CYTH1: variants seen among roughly 807,000 people sequenced by gnomAD.
The protein encoded by CYTH1 is cytohesin-1.
In CYTH1, 18 loss-of-function variants were observed where a neutral mutation model predicts 61.8. The observed-to-expected ratio is 0.29, with a 90% CI of 0.20 to 0.43. The LOEUF (loss-of-function observed/expected upper bound fraction) is 0.43. Ranked by LOEUF, CYTH1 falls within the 20% of genes least tolerant of loss-of-function variation. The pLI, the probability that CYTH1 is intolerant of heterozygous loss-of-function variation, is 1.00. For synonymous variants in CYTH1, 174 were observed against 184.3 expected (o/e 0.94, Z 0.45); for missense variants, 336 against 510.5 (o/e 0.66, Z 3.29).
chr17:78,738,711 T>C (rs2093330941), intron 1 of CYTH1, among the ~76,000 whole-genome samples: 1 of 152,156 alleles, frequency 6.6e-6, no homozygotes, highest in Non-Finnish European at 1.5e-5. Flanking sequence ...AAAATCACAG[T>C]TGTAAGTCCC....
chr17:78,743,661 G>T (rs1300214970), intron 1 of CYTH1, among the ~76,000 whole-genome samples: 1 of 152,116 alleles, frequency 6.6e-6, no homozygotes, highest in Non-Finnish European at 1.5e-5. Flanking sequence ...GCCTATTCTT[G>T]TTTCATTCAT....
At chr17:78,684,395 T>G (rs1251979924) in intron 11 of CYTH1, among the ~76,000 whole-genome samples, 1 of 152,202 alleles carries the variant, frequency 6.6e-6, no homozygotes, top group Non-Finnish European at 1.5e-5. Context: ...TGCCTAGAAC[T>G]TTCACTGGAC....
chr17:78,755,342 C>T (rs1481786700), intron 1 of CYTH1, among the ~76,000 whole-genome samples: 1 of 152,040 alleles, frequency 6.6e-6, no homozygotes, highest in Non-Finnish European at 1.5e-5. Flanking sequence ...CCATGTTGGC[C>T]AGGCTGGTCT....
intron 12 of CYTH1, 36 bp from the exon 13 acceptor site, chr17:78,680,380 A>C: frequency 1.3e-6 from 2 of 1,581,818 alleles, no homozygotes. Context: ...GAGTGGAGCA[A>C]AGGAAGCTGT....
chr17:78,698,566 T>C (rs1405227113), intron 8 of CYTH1, among the ~76,000 whole-genome samples, 186 bp from the exon 9 acceptor site: 1 of 152,138 alleles, frequency 6.6e-6, no homozygotes, highest in African/African-American at 2.4e-5. Flanking sequence ...AAATAAGCCT[T>C]CCCAATTAGG....
intron 1 of CYTH1, among the ~76,000 whole-genome samples, chr17:78,725,332 T>C (rs2093260293): frequency 6.6e-6 from 1 of 152,214 alleles, no homozygotes; most frequent in African/African-American, 2.4e-5. Flanking sequence ...AATTACGTGA[T>C]ACAAACAAAC....
intron 1 of CYTH1, among the ~76,000 whole-genome samples, chr17:78,763,630 C>T (rs1295408629): frequency 1.3e-5 from 2 of 152,128 alleles, no homozygotes; most frequent in Non-Finnish European, 1.5e-5. Flanking sequence ...ATAAGTTGTT[C>T]TATAAAATAT....
chr17:78,712,999 A>G (rs2093149374), intron 1 of CYTH1, among the ~76,000 whole-genome samples: 1 of 151,998 alleles, frequency 6.6e-6, no homozygotes, highest in South Asian at 2.1e-4. Flanking sequence ...ATCCATCAGC[A>G]TTATGTGGAT....
intron 11 of CYTH1, among the ~76,000 whole-genome samples, chr17:78,690,836 C>T (rs1215216955): frequency 6.6e-6 from 1 of 152,184 alleles, no homozygotes; most frequent in Non-Finnish European, 1.5e-5. Flanking sequence ...ATTCTAGAAT[C>T]TCGTAGCATT....
At chr17:78,753,476 C>T (rs1254324155) in intron 1 of CYTH1, among the ~76,000 whole-genome samples, 3 of 151,198 alleles carry the variant, frequency 2.0e-5, no homozygotes, top group Admixed American at 6.6e-5. Context: ...GCCTGAGCAA[C>T]ATGGTCAGAC....
At chr17:78,764,319 C>T (rs1258463190) in intron 1 of CYTH1, among the ~76,000 whole-genome samples, 1 of 151,040 alleles carries the variant, frequency 6.6e-6, no homozygotes, top group African/African-American at 2.4e-5. Flanking sequence ...GCCTCAGCCT[C>T]CTGAGTAGCT....
chr17:78,764,866 C>T (rs1010797731), intron 1 of CYTH1, among the ~76,000 whole-genome samples: 1 of 151,920 alleles, frequency 6.6e-6, no homozygotes, highest in African/African-American at 2.4e-5. Flanking sequence ...TGTGGAGTTT[C>T]CACTTCAGCT....
chr17:78,727,820 G>T, intron 1 of CYTH1: 1 of 422,838 alleles, frequency 2.4e-6, no homozygotes, highest in Non-Finnish European at 5.0e-6. Flanking sequence ...GCCCATGCAG[G>T]GGGCAGAACT....
intron 1 of CYTH1, among the ~76,000 whole-genome samples, chr17:78,715,907 C>G (rs1226664680): frequency 6.6e-6 from 1 of 152,148 alleles, no homozygotes; most frequent in Non-Finnish European, 1.5e-5. Flanking sequence ...GAAGAGCTGA[C>G]CAAAGTTTGA....
At chr17:78,749,001 G>A (rs1174947270) in intron 1 of CYTH1, among the ~76,000 whole-genome samples, 4 of 152,172 alleles carry the variant, frequency 2.6e-5, no homozygotes, top group Non-Finnish European at 2.9e-5. Flanking sequence ...AGGAGCTTGC[G>A]AGAAGGGCCC....
intron 1 of CYTH1, among the ~76,000 whole-genome samples, chr17:78,773,628 C>CA (rs772324364): frequency 0.096 from 10,215 of 106,770 alleles, 714 homozygotes; most frequent in African/African-American, 0.22. Context: ...GACTCCATCT[C>CA]AAAAAAAAAA....
chr17:78,710,732 C>T (rs1446152144), intron 1 of CYTH1, among the ~76,000 whole-genome samples: 1 of 152,188 alleles, frequency 6.6e-6, no homozygotes, highest in Non-Finnish European at 1.5e-5. Flanking sequence ...AATTAAAGTG[C>T]CTCAAACCCT....
chr17:78,703,035 G>A (rs753138292), intron 3 of CYTH1, among the ~76,000 whole-genome samples: 17 of 151,926 alleles, frequency 1.1e-4, no homozygotes, highest in South Asian at 2.1e-4. Flanking sequence ...ATCTGCCTGC[G>A]TCAGCCTCCC....
chr17:78,680,660 G>A (rs1184790805), intron 12 of CYTH1, among the ~76,000 whole-genome samples: 3 of 152,122 alleles, frequency 2.0e-5, no homozygotes, highest in African/African-American at 7.2e-5. Flanking sequence ...CAAAACAAAG[G>A]AAAACTAAAC....
Sources: allele counts gnomAD v4.1 joint callset (sites outside exome capture counted in the v4.1 genomes callset), GRCh38; gene constraint gnomAD v4.1.1; transcripts MANE v1.5; gene names NCBI Gene and HGNC (gene_info 2026-07-23, HGNC 2026-07-21).